Variants in ZFAND3 observed in about 807,000 individuals in gnomAD.
The protein encoded by ZFAND3 is AN1-type zinc finger protein 3.
ZFAND3 carries 10 observed loss-of-function variants against 29.6 expected under a neutral mutation model. The ratio of observed to expected loss-of-function variants is 0.34; its 90% CI spans 0.21 to 0.57. The LOEUF (loss-of-function observed/expected upper bound fraction) is 0.57, where lower values mean the gene tolerates loss of function less well. ZFAND3 is among the 20% of genes least tolerant of loss of function. The pLI, the probability that ZFAND3 is intolerant of heterozygous loss-of-function variation, is 0.86. For missense variants in ZFAND3, 230 were observed against 304.5 expected, an observed-to-expected ratio of 0.76 and a Z score of 1.82; for synonymous variants, 128 against 112.6, an observed-to-expected ratio of 1.14 and a Z score of -0.87.
chr6:37,941,967 G>A (rs2842511), intron 2 of ZFAND3, among the ~76,000 whole-genome samples: 127,693 of 152,170 alleles, frequency 0.84, 54,816 homozygotes, highest in Non-Finnish European at 0.93. Context: ...TTCCCTGTGG[G>A]TTTTGTTCCA....
chr6:37,879,951 CA>C (rs1352625667), intron 1 of ZFAND3, among the ~76,000 whole-genome samples: 1 of 152,148 alleles, frequency 6.6e-6, no homozygotes, highest in Non-Finnish European at 1.5e-5. Context: ...GGCTTAAAAG[CA>C]AAATCTTTAT....
intron 2 of ZFAND3, among the ~76,000 whole-genome samples, chr6:37,953,441 C>CTTTTTTTTTTTTTTTTT (rs35182018): frequency 9.4e-6 from 1 of 106,224 alleles, no homozygotes; most frequent in Non-Finnish European, 1.8e-5. Flanking sequence ...GCATAATTAT[C>CTTTTTTTTTTTTTTTTT]TTTTTTTTTT....
rs142572994 is a variant in ZFAND3 at position 37,954,576 on chromosome 6, G to A, written c.112+24577G>A. On this transcript the variant is annotated intron_variant, in intron 2 of 5. Coordinates refer to ENST00000287218, the MANE Select transcript of ZFAND3 (RefSeq NM_021943.3). ...TTTGCACACAGAATATAGTTATTCC[G>A]TATGTTTTAATGTTTGTATCTACCA... is the stretch of plus-strand genomic sequence containing the variant. Among the ~76,000 whole-genome samples, 4 of 151,532 alleles carry A rather than the reference G, an allele frequency of 2.6e-5. No homozygotes were observed. In the East Asian group the frequency reaches 6.4e-4, roughly 24 times the overall value.
intron 4 of ZFAND3, among the ~76,000 whole-genome samples, chr6:38,110,304 ATTT>A (rs1197754285): frequency 6.6e-6 from 1 of 151,294 alleles, no homozygotes; most frequent in South Asian, 2.1e-4. Flanking sequence ...TGAGGTGGGA[ATTT>A]TTTTTTAATG....
chr6:38,089,259 C>T (rs1764818861), intron 4 of ZFAND3, among the ~76,000 whole-genome samples: 1 of 152,044 alleles, frequency 6.6e-6, no homozygotes, highest in African/African-American at 2.4e-5. Context: ...CCCCAAGTAG[C>T]TGGGATTACA....
At chr6:38,031,244 C>T (rs1763553895) in intron 2 of ZFAND3, among the ~76,000 whole-genome samples, 1 of 152,188 alleles carries the variant, frequency 6.6e-6, no homozygotes, top group Admixed American at 6.5e-5. Flanking sequence ...CTTAGTTACT[C>T]TGTAATCACA....
intron 4 of ZFAND3, among the ~76,000 whole-genome samples, chr6:38,110,718 C>T (rs552801494): frequency 1.3e-5 from 2 of 152,312 alleles, no homozygotes; most frequent in East Asian, 1.9e-4. Context: ...ATTCATCTTT[C>T]GTAGAAGTAA....
intron 2 of ZFAND3, among the ~76,000 whole-genome samples, chr6:37,979,559 A>G (rs1278349020): frequency 2.6e-5 from 4 of 152,182 alleles, no homozygotes; most frequent in Non-Finnish European, 5.9e-5. Context: ...CTTCCAAGAT[A>G]AAACCTTCTT....
intron 2 of ZFAND3, among the ~76,000 whole-genome samples, chr6:38,014,239 G>C (rs1396873430): frequency 6.6e-6 from 1 of 151,710 alleles, no homozygotes; most frequent in Non-Finnish European, 1.5e-5. Flanking sequence ...TTGTTAAAAA[G>C]AGAGAGAGAA....
At chr6:38,096,953 A>G (rs957832483) in intron 4 of ZFAND3, among the ~76,000 whole-genome samples, 10 of 152,210 alleles carry the variant, frequency 6.6e-5, no homozygotes, top group African/African-American at 2.4e-4. Context: ...ATTACCAGTA[A>G]TTACCTTGAG....
At chr6:38,129,718 A>G (rs952585146) in intron 5 of ZFAND3, among the ~76,000 whole-genome samples, 2 of 151,452 alleles carry the variant, frequency 1.3e-5, no homozygotes, top group African/African-American at 2.4e-5. Flanking sequence ...TTTGGTGACT[A>G]CGGCCTTATA....
At position 37,934,653 on chromosome 6, in the gene ZFAND3, A is replaced by G. The variant is rs1400759033; in HGVS notation, c.112+4654A>G. ...GGAGTTCGAGACTAGCCTAACCAAC[A>G]TGGTGAAACCCTGTCTCTACTAAAA... On this transcript the variant is annotated intron_variant, in intron 2 of 5. Coordinates refer to ENST00000287218, the MANE Select transcript of ZFAND3 (RefSeq NM_021943.3). 4.6e-5 allele frequency among the ~76,000 whole-genome samples: 7 copies of G among 151,958 alleles called. No homozygotes were observed. In the East Asian group the frequency reaches 1.4e-3, roughly 29 times the overall value.
chr6:38,053,515 C>T (rs938776793), intron 2 of ZFAND3, among the ~76,000 whole-genome samples: 5 of 152,062 alleles, frequency 3.3e-5, no homozygotes, highest in Non-Finnish European at 7.4e-5. Flanking sequence ...GAAACCCTGT[C>T]TCTACTAAAA....
chr6:37,975,811 A>C (rs1207904144), intron 2 of ZFAND3, among the ~76,000 whole-genome samples: 1 of 152,180 alleles, frequency 6.6e-6, no homozygotes, highest in African/African-American at 2.4e-5. Context: ...TCTTGAAATC[A>C]GGTAGTGTTA....
intron 1 of ZFAND3, among the ~76,000 whole-genome samples, chr6:37,880,949 C>G (rs1329883214): frequency 6.8e-6 from 1 of 146,748 alleles, no homozygotes; most frequent in Admixed American, 6.8e-5. Context: ...CAGCATGGCA[C>G]ATGTATACAT....
At chr6:38,144,211 A>ATATAAT (rs70981524) in intron 5 of ZFAND3, among the ~76,000 whole-genome samples, 2 of 45,880 alleles carry the variant, frequency 4.4e-5, no homozygotes, top group Admixed American at 4.5e-4. Flanking sequence ...ATATATATAT[A>ATATAAT]ATATATAATA....
In ZFAND3 at chr6:38,078,813, C is replaced by A. The variant is rs550667998; in HGVS notation, c.296-3579C>A. Among the ~76,000 whole-genome samples the A allele has an allele frequency of 2.0e-5, 3 of 152,144 alleles. No homozygotes were observed. In the East Asian group the frequency reaches 5.8e-4, roughly 29 times the overall value. On this transcript the variant is annotated intron_variant, in intron 3 of 5. Coordinates refer to ENST00000287218, the MANE Select transcript of ZFAND3 (RefSeq NM_021943.3). Reference sequence around the variant, plus strand: ...TTCTTTAGTTACTACCTCTGTCTACCCTGTTGTTTGGAAAGAAGAAGAAAG... The same window carrying A: ...TTCTTTAGTTACTACCTCTGTCTACACTGTTGTTTGGAAAGAAGAAGAAAG...
rs184801188 is a variant in ZFAND3, at chr6:38,023,449, A to G, written c.113-38144A>G. Among the ~76,000 whole-genome samples the G allele has an allele frequency of 2.0e-5, 3 of 152,356 alleles. No homozygotes were observed. In the East Asian group the frequency reaches 5.8e-4, roughly 29 times the overall value. ...ATGATAAGTATATGAAGTAATGCAT[A>G]TGTTAATTAGCTTGATTTAGCCATT... On this transcript the variant is annotated intron_variant, in intron 2 of 5. Transcript: ENST00000287218.
chr6:37,857,275 T>C (rs1338559840), intron 1 of ZFAND3, among the ~76,000 whole-genome samples: 2 of 152,230 alleles, frequency 1.3e-5, no homozygotes, highest in Non-Finnish European at 2.9e-5. Context: ...TCAACACAAT[T>C]GTTTATTTGT....
Sources: gnomAD v4.1 joint callset for allele counts (sites outside exome capture counted in the v4.1 genomes callset) on GRCh38, gnomAD v4.1.1 for gene constraint, MANE v1.5 for transcripts, NCBI Gene and HGNC (gene_info 2026-07-23, HGNC 2026-07-21) for gene names.